GALNT15: variants seen among roughly 807,000 people sequenced by gnomAD.
GALNT15 encodes polypeptide N-acetylgalactosaminyltransferase 15.
In GALNT15, 67 loss-of-function variants were observed where a neutral mutation model predicts 66.8. The observed-to-expected ratio is 1.00, with a 90% CI of 0.82 to 1.23. The LOEUF (loss-of-function observed/expected upper bound fraction) is 1.23, where lower values mean the gene tolerates loss of function less well. Among genes scored for constraint, GALNT15 ranks in the 50% most tolerant of loss-of-function variants. The pLI is 0.00. For synonymous variants in GALNT15, 313 were observed against 311.5 expected (o/e 1.00, Z -0.05); for missense variants, 827 against 804.3 (o/e 1.03, Z -0.34).
In GALNT15 at chr3:16,219,067, C is replaced by T. The variant is rs372620822; in HGVS notation, c.1393-336C>T. 7.2e-5 allele frequency among the ~76,000 whole-genome samples: 11 copies of T among 152,226 alleles called. No homozygotes were observed. Among genetic ancestry groups the T allele is most frequent in the Middle Eastern group, 3.4e-3 (1 of 294 alleles). On this transcript the variant is annotated intron_variant, in intron 6 of 9. Transcript: ENST00000339732. This position sits in a 1 kb window ranked among gnomAD's most constrained non-coding sequence, Gnocchi z 4.3. Reference sequence around the variant, plus strand: ...CTGACCTCAAGTGATCCACCAGCCTCGGCCTCCCAAAGTGCTGGAGGTGTG... The same window carrying T: ...CTGACCTCAAGTGATCCACCAGCCTTGGCCTCCCAAAGTGCTGGAGGTGTG...
In GALNT15 at chr3:16,208,940, T is replaced by C. The variant is rs139525802; in HGVS notation, c.1079+270T>C. Among the ~76,000 whole-genome samples the C allele has an allele frequency of 8.8e-3, 1,343 of 152,314 alleles. 24 individuals carry two copies. The highest frequency in any genetic ancestry group is 0.03 in the African/African-American group (1,254 of 41,568). ...GATGTAGGTGCTACCACCATTATAT[T>C]GTCATATTCATAAAGTTCCGACAGG... is the stretch of plus-strand genomic sequence containing the variant. On this transcript the variant is annotated intron_variant, in intron 4 of 9. Coordinates refer to ENST00000339732, the MANE Select transcript of GALNT15 (RefSeq NM_054110.5).
At position 16,175,482 on chromosome 3, in the gene GALNT15, G is replaced by C. The variant is rs768261466; in HGVS notation, c.331G>C (p.Gly111Arg). ...CCAGGCCAGAAGGAACCAGAGCCAG[G>C]GCAGGAGAGGTGGGAGCTACCGCCT... The part of the protein sequence containing the change: ...LPQARRNQSQ[G>R]RRGGSYRLIK... The change falls in exon 1 of 10, where the codon GGC becomes CGC. Residue 111 changes from glycine to arginine, a missense_variant. By Grantham distance (125) the Gly-to-Arg change is moderately radical. Transcript: ENST00000339732. The surrounding 1 kb of genome is among the most constrained non-coding windows in gnomAD (Gnocchi z 5.6). 6 of 1,613,874 alleles carry C rather than the reference G, an allele frequency of 3.7e-6. No homozygotes were observed. Among genetic ancestry groups the C allele is most frequent in the Admixed American group, 1.7e-5 (1 of 59,998 alleles).
chr3:16,235,498 C>T (rs114381120), downstream of GALNT15, among the ~76,000 whole-genome samples: 1,948 of 152,086 alleles, frequency 0.013, 39 homozygotes, highest in African/African-American at 0.045. Context: ...CATGATAAAG[C>T]GAGGGAGATT....
Position 16,176,550 on chromosome 3 carries a change from A to C in GALNT15, c.539+860A>C, listed in dbSNP as rs1219580994. On this transcript the variant is annotated intron_variant, in intron 1 of 9. Coordinates refer to ENST00000339732, the MANE Select transcript of GALNT15 (RefSeq NM_054110.5). This position sits in a 1 kb window ranked among gnomAD's most constrained non-coding sequence, Gnocchi z 5.6. ...CCCCAGGAGGTAAGCTGAGAAGTGT[A>C]GGTGATGGGCAGAGCTGTGCCCAGG... Among the ~76,000 whole-genome samples the C allele has an allele frequency of 6.6e-6, 1 of 152,210 alleles. No homozygotes were observed. The highest frequency in any genetic ancestry group is 1.5e-5 in the Non-Finnish European group (1 of 68,030).
At chr3:16,185,257 T>A (rs1052318571) in intron 1 of GALNT15, among the ~76,000 whole-genome samples, 2 of 152,208 alleles carry the variant, frequency 1.3e-5, no homozygotes, top group African/African-American at 4.8e-5. Flanking sequence ...CCTGTTTCCT[T>A]ACTCTGAGCT....
chr3:16,239,869 G>A, the GALNT15 span, among the ~76,000 whole-genome samples: 5 of 152,212 alleles, frequency 3.3e-5, no homozygotes, highest in Admixed American at 2.6e-4. This position sits in a 1 kb window ranked among gnomAD's most constrained non-coding sequence, Gnocchi z 5.2. Context: ...AGGAAGTTGC[G>A]TGAGAATCTT....
rs904158480 is a variant in GALNT15, at chr3:16,195,705, G to T, written c.540-55G>T. ...CAAAGGAAGCGAGTTAGAGGGTGTG[G>T]AGTGTTTCTTGTGGCCTTCTCTTCC... is the stretch of plus-strand genomic sequence containing the variant. On this transcript the variant is annotated intron_variant, in intron 1 of 9. Transcript: ENST00000339732. This position sits in a 1 kb window ranked among gnomAD's most constrained non-coding sequence, Gnocchi z 4.6. The T allele has an allele frequency of 2.0e-6, 3 of 1,516,402 alleles. No homozygotes were observed. The African/African-American group carries it at 4.1e-5, about 21-fold the overall frequency. The allele number at this position is 1,516,402 out of a possible 1,614,324, so 93.9% of individuals were successfully genotyped here.
Position 16,193,295 on chromosome 3 carries a change from T to C in GALNT15, c.540-2465T>C, listed in dbSNP as rs751075083. On this transcript the variant is annotated intron_variant, in intron 1 of 9. Transcript: ENST00000339732. This position sits in a 1 kb window ranked among gnomAD's most constrained non-coding sequence, Gnocchi z 4.7. The stretch of plus-strand genomic sequence containing the variant: ...GAAATACCTAGGCCCTTATAACCTA[T>C]ATATTTATGTTCTTTCTCCAAATGC... Among the ~76,000 whole-genome samples, 10 of 152,204 alleles carry C rather than the reference T, an allele frequency of 6.6e-5. No individual in the cohort carries two copies. In the South Asian group the frequency reaches 8.3e-4, roughly 13 times the overall value.
chr3:16,185,777 A>AGAT (rs2063510797), intron 1 of GALNT15, among the ~76,000 whole-genome samples: 1 of 144,676 alleles, frequency 6.9e-6, no homozygotes, highest in Admixed American at 6.8e-5. Context: ...ATAGATAGAT[A>AGAT]GATAGATAGA....
the GALNT15 span, among the ~76,000 whole-genome samples, chr3:16,243,729 G>A: frequency 3.9e-5 from 6 of 152,334 alleles, no homozygotes; most frequent in African/African-American, 7.2e-5. Context: ...TTTTATAAAC[G>A]GGCATCCTAA....
the GALNT15 span, among the ~76,000 whole-genome samples, chr3:16,240,998 G>A: frequency 5.9e-5 from 9 of 152,080 alleles, no homozygotes; most frequent in African/African-American, 2.2e-4. Flanking sequence ...TGCACAGAAT[G>A]CCCTTCCCTC....
At chr3:16,221,546 C>T (rs2063942987) in intron 8 of GALNT15, among the ~76,000 whole-genome samples, 1 of 152,022 alleles carries the variant, frequency 6.6e-6, no homozygotes, top group South Asian at 2.1e-4. Flanking sequence ...TGGCTGCATG[C>T]AAGGGATAAG....
chr3:16,222,478 A>T, intron 8 of GALNT15, 137 bp from the exon 9 acceptor site: 1 of 1,017,642 alleles, frequency 9.8e-7, no homozygotes, highest in Non-Finnish European at 1.5e-6. Flanking sequence ...TGACCATGAG[A>T]TATGGTCTTT....
downstream of GALNT15, among the ~76,000 whole-genome samples, chr3:16,233,113 T>TTTTTTTTTTTTTTTTTTTTTTTTTTA: frequency 1.4e-5 from 2 of 139,348 alleles, no homozygotes; most frequent in East Asian, 2.4e-4. Flanking sequence ...TTTTTTTTTT[T>TTTTTTTTTTTTTTTTTTTTTTTTTTA]GAAACGGAGT....
chr3:16,227,916 T>A lies in GALNT15; in HGVS notation c.*416T>A. ...CTTGGATTGTCTGTTTGGCCAACCA[T>A]GAAAATTAAAGAGTGAAGCAGATGT... On this transcript the variant is annotated 3_prime_UTR_variant, in exon 10 of 10. Transcript: ENST00000339732. The surrounding 1 kb of genome is among the most constrained non-coding windows in gnomAD (Gnocchi z 4.5). 1 of 1,005,214 alleles carries A rather than the reference T, an allele frequency of 9.9e-7. No homozygotes were observed. 62.3% of individuals were successfully genotyped at this position (1,005,214 alleles called of 1,614,324 possible).
At chr3:16,208,289 G>A (rs112282472) in intron 3 of GALNT15, among the ~76,000 whole-genome samples, 62 of 152,188 alleles carry the variant, frequency 4.1e-4, no homozygotes, top group African/African-American at 1.5e-3. Context: ...TATAATCAAT[G>A]TAAAAATTAT....
chr3:16,216,964 G>C (rs1251354953), intron 6 of GALNT15, among the ~76,000 whole-genome samples: 1 of 149,870 alleles, frequency 6.7e-6, no homozygotes, highest in Non-Finnish European at 1.5e-5. Context: ...TATTATTTTA[G>C]AGAGACAGTT....
Position 16,208,550 on chromosome 3 carries a change from T to C in GALNT15, c.959T>C (p.Phe320Ser). The C allele has an allele frequency of 3.7e-6, 6 of 1,614,160 alleles. No individual in the cohort carries two copies. The highest frequency in any genetic ancestry group is 5.1e-6 in the Non-Finnish European group (6 of 1,180,022). ...ATAGATGTGATTGACTGGAAGACTT[T>C]CCAGTATTACCCCTCAAAGGACCTG... ...PVIDVIDWKTFQYYPSKDLQR... is the reference protein window; with the variant it reads ...PVIDVIDWKTSQYYPSKDLQR... Residue 320 changes from phenylalanine (F) to serine (S), a missense_variant, in exon 4 of 10, where the codon TTC becomes TCC. Transcript: ENST00000339732.
In GALNT15 at chr3:16,182,225, T is replaced by C. The variant is rs2063478951; in HGVS notation, c.539+6535T>C. 6.6e-6 allele frequency among the ~76,000 whole-genome samples: 1 copy of C among 152,138 alleles called. No homozygotes were observed. The highest frequency in any genetic ancestry group is 6.5e-5 in the Admixed American group (1 of 15,270). On this transcript the variant is annotated intron_variant, in intron 1 of 9. Transcript: ENST00000339732. The surrounding 1 kb of genome is among the most constrained non-coding windows in gnomAD (Gnocchi z 6.1). ...TAAACCTACTAGATGAAATCTCTAC[T>C]TTAACAGGATCCCTAGGTGATTTCC...
Sources: allele counts gnomAD v4.1 joint callset (sites outside exome capture counted in the v4.1 genomes callset), GRCh38; gene constraint gnomAD v4.1.1; non-coding constraint Gnocchi (gnomAD v3.1); transcripts MANE v1.5; gene names NCBI Gene and HGNC (gene_info 2026-07-23, HGNC 2026-07-21).